The following NAV2 variants were observed in gnomAD, a reference collection of about 807,000 sequenced individuals.
NAV2 encodes helicase, APC down-regulated 1.
Under a neutral mutation model 223.2 loss-of-function variants are expected in NAV2, and 54 were observed. The ratio of observed to expected loss-of-function variants is 0.24; its 90% confidence interval spans 0.19 to 0.30. The LOEUF is 0.30. NAV2 is among the 10% of genes least tolerant of loss of function. The pLI is 1.00. For synonymous variants in NAV2, 1,279 were observed against 1,239.3 expected, an observed-to-expected ratio of 1.03 and a Z score of -0.67; for missense variants, 2,806 against 3,147.5, an observed-to-expected ratio of 0.89 and a Z score of 2.60.
intron 1 of NAV2, among the ~76,000 whole-genome samples, chr11:19,652,434 T>A (rs970759159): frequency 6.6e-6 from 1 of 152,174 alleles, no homozygotes; most frequent in African/African-American, 2.4e-5. Flanking sequence ...TTTCTCTGAA[T>A]AAACTGTGAT....
chr11:19,426,065 C>A (rs1032613340), intron 1 of NAV2, among the ~76,000 whole-genome samples: 1 of 152,220 alleles, frequency 6.6e-6, no homozygotes, highest in Non-Finnish European at 1.5e-5. Context: ...AGAAATGCAC[C>A]ATTTGGACAA....
intron 1 of NAV2, among the ~76,000 whole-genome samples, chr11:19,426,155 GC>G (rs1420574344): frequency 1.3e-5 from 2 of 152,182 alleles, no homozygotes; most frequent in African/African-American, 4.8e-5. Context: ...GTGGGTCTCA[GC>G]AAAATTTGAC....
chr11:19,941,195 C>A (rs1046326464), intron 8 of NAV2, among the ~76,000 whole-genome samples: 54 of 152,138 alleles, frequency 3.5e-4, no homozygotes, highest in African/African-American at 1.3e-3. Flanking sequence ...GTGATCTTCC[C>A]CTAATTTTTC....
At chr11:19,971,746 C>T (rs902445247) in intron 10 of NAV2, among the ~76,000 whole-genome samples, 1 of 152,210 alleles carries the variant, frequency 6.6e-6, no homozygotes, top group African/African-American at 2.4e-5. Context: ...CTCTGTCACC[C>T]AGGCTGGAGT....
chr11:19,580,193 C>T (rs766521298), intron 1 of NAV2, among the ~76,000 whole-genome samples: 8 of 152,112 alleles, frequency 5.3e-5, no homozygotes, highest in Admixed American at 6.5e-5. Context: ...CCTGTACCCT[C>T]GGAGAGCCAC....
chr11:19,695,860 C>T (rs2049316359), intron 1 of NAV2, among the ~76,000 whole-genome samples: 1 of 58,680 alleles, frequency 1.7e-5, no homozygotes, highest in Non-Finnish European at 4.7e-5. Context: ...GCTGGGATCA[C>T]ACCAGTGTAC....
chr11:19,926,970 G>A (rs1166600657), intron 6 of NAV2, among the ~76,000 whole-genome samples: 2 of 152,220 alleles, frequency 1.3e-5, no homozygotes, highest in African/African-American at 4.8e-5. Flanking sequence ...CTGAAGGAGA[G>A]AGGAAGAAAT....
chr11:19,848,519 C>A lies in NAV2; in HGVS notation c.438+5596C>A, dbSNP rs553896174. Among the ~76,000 whole-genome samples the A allele has an allele frequency of 8.7e-4, 132 of 152,312 alleles. 2 individuals are homozygous for A. In the Middle Eastern group the frequency reaches 0.034, roughly 39 times the overall value. On this transcript the variant is annotated intron_variant, in intron 3 of 37. Coordinates refer to ENST00000349880, the MANE Select transcript of NAV2 (RefSeq NM_145117.5). ...TACCTCTGACCTCTGCAAGGCATCA[C>A]AGCTGAGAGCAAGGGCTGGGAAGGC...
intron 3 of NAV2, among the ~76,000 whole-genome samples, chr11:19,857,244 T>C (rs2061458446): frequency 6.6e-6 from 1 of 152,246 alleles, no homozygotes; most frequent in African/African-American, 2.4e-5. Flanking sequence ...TTGAAGATTC[T>C]ATGGTGGCTT....
chr11:19,989,616 A>C (rs898044281), intron 11 of NAV2, among the ~76,000 whole-genome samples: 4 of 152,222 alleles, frequency 2.6e-5, no homozygotes, highest in African/African-American at 9.7e-5. Flanking sequence ...TTATATCAGA[A>C]GGTAATAAAA....
At chr11:19,678,885 A>T (rs1377410808) in intron 1 of NAV2, among the ~76,000 whole-genome samples, 1 of 152,168 alleles carries the variant, frequency 6.6e-6, no homozygotes, top group Non-Finnish European at 1.5e-5. Flanking sequence ...CCCCAGTGCT[A>T]GGTGTTCAAA....
intron 10 of NAV2, among the ~76,000 whole-genome samples, chr11:19,956,755 ACT>A (rs1166340599): frequency 6.6e-6 from 1 of 150,912 alleles, no homozygotes; most frequent in Non-Finnish European, 1.5e-5. Flanking sequence ...TTTTTTGGAG[ACT>A]CTATTATGTA....
intron 1 of NAV2, among the ~76,000 whole-genome samples, chr11:19,699,780 G>T (rs900320039): frequency 2.6e-5 from 4 of 152,222 alleles, no homozygotes; most frequent in African/African-American, 9.6e-5. Flanking sequence ...GGACTGCAAT[G>T]AGAAAAGTTG....
At chr11:19,906,859 T>G (rs1332621000) in intron 6 of NAV2, among the ~76,000 whole-genome samples, 1 of 152,152 alleles carries the variant, frequency 6.6e-6, no homozygotes, top group Non-Finnish European at 1.5e-5. Context: ...TTGGGATTCT[T>G]GGTATTCACA....
chr11:19,645,207 C>T (rs191003996), intron 1 of NAV2, among the ~76,000 whole-genome samples: 1 of 152,264 alleles, frequency 6.6e-6, no homozygotes, highest in African/African-American at 2.4e-5. Flanking sequence ...TCCTATTCCT[C>T]AGCTTGTGGC....
At chr11:19,522,130 C>T (rs546993591) in intron 1 of NAV2, among the ~76,000 whole-genome samples, 11 of 152,250 alleles carry the variant, frequency 7.2e-5, no homozygotes, top group Admixed American at 3.3e-4. Context: ...TGTTGGTGCC[C>T]GACATACGCC....
chr11:19,382,672 G>C (rs959460224), intron 1 of NAV2, among the ~76,000 whole-genome samples: 1 of 152,126 alleles, frequency 6.6e-6, no homozygotes, highest in African/African-American at 2.4e-5. Context: ...ACTTATATAA[G>C]GTTTGCTCTG....
At chr11:19,575,526 G>A (rs921950847) in intron 1 of NAV2, among the ~76,000 whole-genome samples, 1 of 152,202 alleles carries the variant, frequency 6.6e-6, no homozygotes, top group Non-Finnish European at 1.5e-5. Context: ...ACCTTTGCCT[G>A]CCTTGTCTCT....
At chr11:19,788,979 T>G (rs550266586) in intron 1 of NAV2, among the ~76,000 whole-genome samples, 3 of 152,276 alleles carry the variant, frequency 2.0e-5, no homozygotes, top group Admixed American at 2.0e-4. Context: ...TCTTGAAATA[T>G]TGCTGGCTCT....
Sources: allele counts gnomAD v4.1 joint callset (sites outside exome capture counted in the v4.1 genomes callset), GRCh38; gene constraint gnomAD v4.1.1; transcripts MANE v1.5; gene names NCBI Gene and HGNC (gene_info 2026-07-23, HGNC 2026-07-21).